The following RUNX1 variants were observed in gnomAD, a reference collection of about 807,000 sequenced individuals.
RUNX1 encodes the protein RUNX family transcription factor 1.
RUNX1 carries 19 observed loss-of-function variants against 42.8 expected under a neutral mutation model. The ratio of observed to expected loss-of-function variants is 0.44; its 90% CI spans 0.31 to 0.65. The LOEUF is 0.65. RUNX1 is among the 30% of genes least tolerant of loss of function. The pLI is 0.07. For missense variants in RUNX1, 528 were observed against 672.0 expected, an observed-to-expected ratio of 0.79 and a Z score of 2.37; for synonymous variants, 271 against 289.4, an observed-to-expected ratio of 0.94 and a Z score of 0.64.
intron 2 of RUNX1, among the ~76,000 whole-genome samples, chr21:35,006,641 C>T (rs146113005): frequency 0.012 from 1,776 of 152,198 alleles, 18 homozygotes; most frequent in Non-Finnish European, 0.016. Flanking sequence ...CACAGCACCG[C>T]GCACATAAGG....
At position 35,048,967 on chromosome 21, in the gene RUNX1, C is replaced by T. The variant is rs1250615209; in HGVS notation, c.-59-9G>A. 1.5e-5 allele frequency: 21 copies of T among 1,397,784 alleles called. No homozygotes were observed. The highest frequency in any genetic ancestry group is 5.6e-5 in the African/African-American group (4 of 70,846). 86.6% of individuals were successfully genotyped at this position (1,397,784 alleles called of 1,614,324 possible). ...TCAATGATTTCTTTTACCTTCGGAG[C>T]GAAAACCAAGACAGGTCACTGTTTC... On this transcript the variant is annotated splice_polypyrimidine_tract_variant and intron_variant, in intron 1 of 8. Transcript: ENST00000675419.
At position 34,839,258 on chromosome 21, in the gene RUNX1, G is replaced by A. The variant is rs548041172; in HGVS notation, c.614-4657C>T. 8.6e-5 allele frequency among the ~76,000 whole-genome samples: 13 copies of A among 151,198 alleles called. No homozygotes were observed. The South Asian group carries it at 1.0e-3, about 12-fold the overall frequency. Reference sequence around the variant, plus strand: ...TCAACACCCACCGACACACACACTCGGAATGTACACTCAGTGCACCTAGAA... The same window carrying A: ...TCAACACCCACCGACACACACACTCAGAATGTACACTCAGTGCACCTAGAA... On this transcript the variant is annotated intron_variant, in intron 6 of 8. Transcript: ENST00000675419.
At chr21:35,008,472 G>A (rs981457150) in intron 2 of RUNX1, among the ~76,000 whole-genome samples, 10 of 152,200 alleles carry the variant, frequency 6.6e-5, no homozygotes, top group South Asian at 4.1e-4. Flanking sequence ...TGGAAGGATC[G>A]ATGCTCAGGC....
chr21:34,906,536 C>A (rs1159518246), intron 2 of RUNX1, among the ~76,000 whole-genome samples: 1 of 152,148 alleles, frequency 6.6e-6, no homozygotes, highest in African/African-American at 2.4e-5. Context: ...GAACAATTAT[C>A]CCCTAAGGCT....
At chr21:35,033,511 C>A (rs1229622361) in intron 2 of RUNX1, among the ~76,000 whole-genome samples, 1 of 152,178 alleles carries the variant, frequency 6.6e-6, no homozygotes, top group African/African-American at 2.4e-5. Context: ...CCCTCTAACA[C>A]CTCATGCAGA....
intron 2 of RUNX1, among the ~76,000 whole-genome samples, chr21:34,959,134 G>A (rs145319278): frequency 0.01 from 1,543 of 151,786 alleles, 21 homozygotes; most frequent in African/African-American, 0.036. Flanking sequence ...ACACCAGCCT[G>A]GCACATGTAT....
intron 2 of RUNX1, among the ~76,000 whole-genome samples, chr21:34,981,569 G>A (rs1157307784): frequency 6.6e-6 from 1 of 152,206 alleles, no homozygotes; most frequent in East Asian, 1.9e-4. Flanking sequence ...CCAAAAAAAA[G>A]AGTATTCATT....
At chr21:35,006,121 C>A (rs183160376) in intron 2 of RUNX1, among the ~76,000 whole-genome samples, 3 of 152,246 alleles carry the variant, frequency 2.0e-5, no homozygotes, top group Admixed American at 6.5e-5. Context: ...GGTCACCAGG[C>A]CTTTGAGTGC....
At chr21:34,917,732 G>A (rs1024709255) in intron 2 of RUNX1, among the ~76,000 whole-genome samples, 9 of 152,172 alleles carry the variant, frequency 5.9e-5, no homozygotes, top group African/African-American at 2.2e-4. Flanking sequence ...GGCTTGGTCA[G>A]TATGAAAGGC....
In RUNX1 at chr21:34,862,028, T is replaced by TA. The variant is rs112283955; in HGVS notation, c.509-2451dup. Among the ~76,000 whole-genome samples the TA allele has an allele frequency of 3.5e-3, 486 of 139,694 alleles. 3 individuals are homozygous for TA. Among genetic ancestry groups the TA allele is most frequent in the African/African-American group, 7.6e-3 (289 of 38,030 alleles). 91.6% of individuals were successfully genotyped at this position (139,694 alleles called of 152,430 possible). On this transcript the variant is annotated intron_variant, in intron 5 of 8. Transcript: ENST00000675419. Reference sequence around the variant, plus strand: ...TTAGGAGAGAGGGGGTATTTAAAATTAAAAAAAAAAAAGTCCCTTGAGGAC... The same window carrying TA: ...TTAGGAGAGAGGGGGTATTTAAAATTAAAAAAAAAAAAAGTCCCTTGAGGAC...
At chr21:34,802,744 CTG>C (rs2056625577) in intron 7 of RUNX1, among the ~76,000 whole-genome samples, 1 of 152,186 alleles carries the variant, frequency 6.6e-6, no homozygotes, top group Admixed American at 6.5e-5. Flanking sequence ...TGTTCTGCCT[CTG>C]AGAGGAGGAG....
At chr21:34,991,384 T>G (rs569249323) in intron 2 of RUNX1, among the ~76,000 whole-genome samples, 2 of 152,338 alleles carry the variant, frequency 1.3e-5, no homozygotes, top group South Asian at 2.1e-4. Context: ...GTTGGCCCTA[T>G]GAGTCTGTTC....
intron 2 of RUNX1, among the ~76,000 whole-genome samples, chr21:35,021,126 G>A (rs1475500683): frequency 6.6e-6 from 1 of 152,194 alleles, no homozygotes; most frequent in African/African-American, 2.4e-5. Context: ...CCCCATGACT[G>A]GCAAAGTAAA....
chr21:34,888,833 G>C lies in RUNX1; in HGVS notation c.98-1737C>G, dbSNP rs1046420193. 579 of 348,638 alleles carry C rather than the reference G, an allele frequency of 1.7e-3. 7 individuals carry two copies. Among genetic ancestry groups the C allele is most frequent in the African/African-American group, 0.012 (547 of 45,306 alleles). 21.6% of individuals were successfully genotyped at this position (348,638 alleles called of 1,614,324 possible). ...AGCCAGGGCGCGGCTCGCCGCCGCCGGCTCCTGGAATTGGCCCGCGCGCCC... is the reference window on the plus strand; with the variant it reads ...AGCCAGGGCGCGGCTCGCCGCCGCCCGCTCCTGGAATTGGCCCGCGCGCCC... On this transcript the variant is annotated intron_variant, in intron 3 of 8. Transcript: ENST00000675419.
intron 5 of RUNX1, among the ~76,000 whole-genome samples, chr21:34,864,875 T>A (rs1027716717): frequency 3.3e-5 from 5 of 152,086 alleles, no homozygotes; most frequent in African/African-American, 1.2e-4. Flanking sequence ...TTGGAAGCAG[T>A]GAGAGAGAAG....
chr21:34,860,827 A>G (rs562348047), intron 5 of RUNX1, among the ~76,000 whole-genome samples: 32 of 152,354 alleles, frequency 2.1e-4, no homozygotes, highest in Non-Finnish European at 3.8e-4. Flanking sequence ...AAAATGCTCA[A>G]TGAAAATATA....
intron 6 of RUNX1, among the ~76,000 whole-genome samples, chr21:34,845,862 G>A (rs1047872238): frequency 1.3e-5 from 2 of 152,160 alleles, no homozygotes; most frequent in East Asian, 1.9e-4. Context: ...GTTATTCTCT[G>A]CCTTGTTTTC....
At chr21:34,888,174 C>T (rs1165037822) in intron 3 of RUNX1, 16 of 1,066,426 alleles carry the variant, frequency 1.5e-5, no homozygotes, top group Non-Finnish European at 1.6e-5. Context: ...CGAGACGATA[C>T]TCCTCCACCG....
chr21:34,918,698 A>G (rs988218668), intron 2 of RUNX1, among the ~76,000 whole-genome samples: 12 of 152,334 alleles, frequency 7.9e-5, no homozygotes, highest in African/African-American at 2.9e-4. Flanking sequence ...TCACAAGGTC[A>G]AGAGATCGAG....
Sources: gnomAD v4.1 joint callset for allele counts (sites outside exome capture counted in the v4.1 genomes callset) on GRCh38, gnomAD v4.1.1 for gene constraint, MANE v1.5 for transcripts, NCBI Gene and HGNC (gene_info 2026-07-23, HGNC 2026-07-21) for gene names.